CMTM1: variants seen among roughly 807,000 people sequenced by gnomAD.
CMTM1 encodes the protein CKLF like MARVEL transmembrane domain containing 1.
CMTM1 carries 16 observed loss-of-function variants against 17.8 expected under a neutral mutation model. The ratio of observed to expected loss-of-function variants is 0.90; its 90% CI spans 0.61 to 1.37. CMTM1 has a LOEUF of 1.37. Among genes scored for constraint, CMTM1 ranks in the 40% most tolerant of loss-of-function variants. The pLI, the probability that CMTM1 is intolerant of heterozygous loss-of-function variation, is 0.00. For missense variants in CMTM1, 354 were observed against 375.6 expected (o/e 0.94, Z 0.47); for synonymous variants, 169 against 154.6 (o/e 1.09, Z -0.69).
chr16:66,571,481 A>C (rs770990769), intron 2 of CMTM1, among the ~76,000 whole-genome samples: 11 of 152,224 alleles, frequency 7.2e-5, no homozygotes, highest in Non-Finnish European at 1.2e-4. Context: ...ACCCAGGTCT[A>C]TCTGACTCTA....
At chr16:66,574,398 C>G (rs887173252) in intron 2 of CMTM1, among the ~76,000 whole-genome samples, 1 of 152,194 alleles carries the variant, frequency 6.6e-6, no homozygotes, top group African/African-American at 2.4e-5. Context: ...TCAAATCAGA[C>G]TGCCCAAGGT....
chr16:66,566,866 C>T lies in CMTM1; in HGVS notation c.353C>T (p.Ala118Val), dbSNP rs764358984. ...ATCAAAGAGCGCGTGGAGGGCCGAGCCAAAGTCCCGTACAAATTCAGGGAC... is the reference window on the plus strand; with the variant it reads ...ATCAAAGAGCGCGTGGAGGGCCGAGTCAAAGTCCCGTACAAATTCAGGGAC... ...MAIKERVEGR[A>V]KVPYKFRDSL... Residue 118 changes from alanine to valine, a missense_variant, in exon 1 of 4, where the codon GCC (alanine) becomes GTC (valine). Physicochemically the swap from Ala to Val is moderately conservative, Grantham distance 64 (BLOSUM62 0). Coordinates refer to ENST00000379500, the MANE Select transcript of CMTM1 (RefSeq NM_052999.4). This position sits in a 1 kb window ranked among gnomAD's most constrained non-coding sequence, Gnocchi z 4.9. 33 of 1,613,798 alleles carry T rather than the reference C, an allele frequency of 2.0e-5. No individual in the cohort carries two copies. In the East Asian group the frequency reaches 7.1e-4, roughly 35 times the overall value.
chr16:66,577,203 G>A lies in CMTM1; in HGVS notation c.690+1G>A. On this transcript the variant is annotated splice_donor_variant, in intron 3 of 3. Coordinates refer to ENST00000379500, the MANE Select transcript of CMTM1 (RefSeq NM_052999.4). LOFTEE classifies it high-confidence loss of function. ...AAGGCATTTACTCTATGTCGGGGGG[G>A]TAAGTAGAGGCCTTCATGACTCCAT... The A allele has an allele frequency of 6.2e-7, 1 of 1,610,514 alleles. No individual in the cohort carries two copies. Among genetic ancestry groups the A allele is most frequent in the Non-Finnish European group, 8.5e-7 (1 of 1,177,266 alleles).
intron 2 of CMTM1, among the ~76,000 whole-genome samples, chr16:66,573,742 G>A (rs372612477): frequency 2.4e-4 from 35 of 145,030 alleles, no homozygotes; most frequent in African/African-American, 7.7e-4. Context: ...GCTGGAATGC[G>A]GTGGCACGAT....
At chr16:66,569,860 TA>T in intron 1 of CMTM1, 75 bp from the exon 2 acceptor site, 1 of 1,111,802 alleles carries the variant, frequency 9.0e-7, no homozygotes. Flanking sequence ...TACTGTGATA[TA>T]ATCAGATTTA....
Position 66,579,086 on chromosome 16 carries a change from T to C in CMTM1, c.*85T>C. 6.5e-7 allele frequency: 1 copy of C among 1,540,010 alleles called. No individual in the cohort carries two copies. On this transcript the variant is annotated 3_prime_UTR_variant, in exon 4 of 4. Coordinates refer to ENST00000379500, the MANE Select transcript of CMTM1 (RefSeq NM_052999.4). The surrounding 1 kb of genome is among the most constrained non-coding windows in gnomAD (Gnocchi z 6.5). ...CCCCGAGCTCGCATGCTGTCACCCA[T>C]TCCAGCCTAAATGTGACCATAAAAT...
At chr16:66,567,347 C>G (rs1184899882) in intron 1 of CMTM1, 2 of 316,478 alleles carry the variant, frequency 6.3e-6, no homozygotes, top group Admixed American at 9.9e-5. Context: ...TGATGTTCCC[C>G]TCCCTGTGTC....
chr16:66,566,627 C>T lies in CMTM1; in HGVS notation c.114C>T (p.Pro38=), dbSNP rs1196652227. Residue 38 remains proline (P), a synonymous_variant, in exon 1 of 4, where the codon CCC becomes CCT. Transcript: ENST00000379500. The surrounding 1 kb of genome is among the most constrained non-coding windows in gnomAD (Gnocchi z 4.9). ...GCGGCAGCGTAGTGAGTTCTGTACC[C>T]AAGGCACAGCGCAACATCTCAGCGA... is the stretch of plus-strand genomic sequence containing the variant. ...ASSGSVVSSV[P]KAQRNISAKT... 6.2e-7 allele frequency: 1 copy of T among 1,614,026 alleles called. No homozygotes were observed. Among genetic ancestry groups the T allele is most frequent in the East Asian group, 2.2e-5 (1 of 44,852 alleles).
chr16:66,567,170 T>A lies in CMTM1; in HGVS notation c.432+225T>A, dbSNP rs16956752. The A allele has an allele frequency of 1.7e-3, 1,023 of 604,666 alleles. 3 individuals carry two copies. The highest frequency in any genetic ancestry group is 0.014 in the African/African-American group (628 of 46,502). 37.5% of individuals were successfully genotyped at this position (604,666 alleles called of 1,614,324 possible). A position where few individuals can be genotyped will look rare whatever the true frequency, so the allele number is the denominator to read the frequency against. The stretch of plus-strand genomic sequence containing the variant: ...CTATTTTTTCTTTTTTTTTTTTTTT[T>A]ATTATACTTTAACTTACGGGGTACA... On this transcript the variant is annotated intron_variant, in intron 1 of 3. Transcript: ENST00000379500.
At chr16:66,578,708 G>A in intron 3 of CMTM1, 123 bp from the exon 4 acceptor site, 1 of 1,299,712 alleles carries the variant, frequency 7.7e-7, no homozygotes, top group South Asian at 1.4e-5. Flanking sequence ...AGTAGTGAAG[G>A]GTCAGAGGGG....
chr16:66,568,316 A>T (rs1406926929), intron 1 of CMTM1, among the ~76,000 whole-genome samples: 1 of 152,240 alleles, frequency 6.6e-6, no homozygotes, highest in Non-Finnish European at 1.5e-5. Flanking sequence ...AAATGAGATT[A>T]TATCTATCAC....
At chr16:66,568,527 G>A (rs140118857) in intron 1 of CMTM1, among the ~76,000 whole-genome samples, 2 of 152,218 alleles carry the variant, frequency 1.3e-5, no homozygotes, top group African/African-American at 4.8e-5. Flanking sequence ...GAAAAATGAT[G>A]CCTACACCAT....
chr16:66,573,894 C>A (rs2013903705), intron 2 of CMTM1, among the ~76,000 whole-genome samples: 1 of 151,708 alleles, frequency 6.6e-6, no homozygotes, highest in Non-Finnish European at 1.5e-5. Flanking sequence ...ACCATGTTGG[C>A]CAGGCTGGTC....
At chr16:66,578,709 G>A (rs1366281507) in intron 3 of CMTM1, 122 bp from the exon 4 acceptor site, 1 of 1,324,338 alleles carries the variant, frequency 7.6e-7, no homozygotes, top group East Asian at 2.4e-5. Flanking sequence ...GTAGTGAAGG[G>A]TCAGAGGGGA....
At chr16:66,568,285 CTG>C (rs1403869556) in intron 1 of CMTM1, among the ~76,000 whole-genome samples, 1 of 151,976 alleles carries the variant, frequency 6.6e-6, no homozygotes, top group African/African-American at 2.4e-5. Flanking sequence ...AAATAATTCA[CTG>C]TATTAGAAGT....
At chr16:66,573,682 T>TC (rs2013851905) in intron 2 of CMTM1, among the ~76,000 whole-genome samples, 1 of 149,922 alleles carries the variant, frequency 6.7e-6, no homozygotes, top group African/African-American at 2.4e-5. Context: ...TTAACGTTTT[T>TC]CTTTTTTTTT....
intron 3 of CMTM1, among the ~76,000 whole-genome samples, chr16:66,577,588 G>A (rs1440365598): frequency 6.6e-6 from 1 of 152,180 alleles, no homozygotes; most frequent in Non-Finnish European, 1.5e-5. Context: ...CTAAAGTGAG[G>A]AATCCAGCCT....
chr16:66,577,328 A>G (rs954439267), intron 3 of CMTM1, 126 bp downstream of exon 3: 14 of 664,884 alleles, frequency 2.1e-5, no homozygotes, highest in Non-Finnish European at 3.1e-5. Context: ...TCCTTCTTGC[A>G]CTGACTTCTT....
chr16:66,575,457 G>T (rs2014111169), intron 2 of CMTM1: 1 of 153,700 alleles, frequency 6.5e-6, no homozygotes, highest in South Asian at 2.1e-4. Flanking sequence ...CAACTGACTG[G>T]TACTGTATCA....
Sources: allele counts gnomAD v4.1 joint callset (sites outside exome capture counted in the v4.1 genomes callset), GRCh38; gene constraint gnomAD v4.1.1; non-coding constraint Gnocchi (gnomAD v3.1); transcripts MANE v1.5; gene names NCBI Gene and HGNC (gene_info 2026-07-23, HGNC 2026-07-21).